The following ALCAM variants were observed in gnomAD, a reference collection of about 807,000 sequenced individuals.
The protein encoded by ALCAM is CD166 antigen.
In ALCAM, 30 loss-of-function variants were observed where a neutral mutation model predicts 70.9. The observed-to-expected ratio is 0.42, with a 90% CI of 0.32 to 0.57. The LOEUF (loss-of-function observed/expected upper bound fraction) is 0.57. ALCAM is among the 20% of genes least tolerant of loss of function. The pLI, the probability that ALCAM is intolerant of heterozygous loss-of-function variation, is 0.11. For synonymous variants in ALCAM, 249 were observed against 242.5 expected, an observed-to-expected ratio of 1.03 and a Z score of -0.25; for missense variants, 591 against 695.1, an observed-to-expected ratio of 0.85 and a Z score of 1.68.
At chr3:105,439,058 G>T (rs1230446820) in intron 1 of ALCAM, among the ~76,000 whole-genome samples, 1 of 152,184 alleles carries the variant, frequency 6.6e-6, no homozygotes, top group Non-Finnish European at 1.5e-5. Context: ...GAGCAAGATG[G>T]CTGGGGGGCC....
intron 1 of ALCAM, among the ~76,000 whole-genome samples, chr3:105,518,177 G>T (rs923545863): frequency 1.2e-4 from 18 of 152,002 alleles, no homozygotes; most frequent in Non-Finnish European, 1.9e-4. Flanking sequence ...TCTGTAAACT[G>T]TTTTCACTCC....
chr3:105,559,246 A>G (rs1416306636), intron 14 of ALCAM, among the ~76,000 whole-genome samples: 1 of 148,034 alleles, frequency 6.8e-6, no homozygotes, highest in Non-Finnish European at 1.5e-5. Context: ...TGTACGTATA[A>G]CATATATATA....
chr3:105,482,562 A>T (rs1201900523), intron 1 of ALCAM, among the ~76,000 whole-genome samples: 1 of 152,178 alleles, frequency 6.6e-6, no homozygotes, highest in East Asian at 1.9e-4. Flanking sequence ...TTATATAAAA[A>T]CCACCAGACA....
intron 1 of ALCAM, among the ~76,000 whole-genome samples, chr3:105,398,936 T>A (rs917335330): frequency 2.0e-5 from 3 of 152,062 alleles, no homozygotes; most frequent in Non-Finnish European, 2.9e-5. Context: ...GATTTTTTTT[T>A]ACTACATTCA....
chr3:105,412,583 G>A (rs938173881), intron 1 of ALCAM, among the ~76,000 whole-genome samples: 1 of 152,014 alleles, frequency 6.6e-6, no homozygotes, highest in Non-Finnish European at 1.5e-5. Context: ...ATTCAGAATC[G>A]GAATGTTGAA....
intron 14 of ALCAM, among the ~76,000 whole-genome samples, chr3:105,561,184 A>G (rs764564155): frequency 2.0e-5 from 3 of 152,118 alleles, no homozygotes; most frequent in African/African-American, 4.8e-5. Context: ...AATGTTTCCA[A>G]TTGTTCCTAG....
chr3:105,397,585 G>A (rs752109657), intron 1 of ALCAM, among the ~76,000 whole-genome samples: 21 of 151,788 alleles, frequency 1.4e-4, no homozygotes, highest in Non-Finnish European at 2.2e-4. Context: ...CATTTTTCAT[G>A]ATCAAGCTTT....
Position 105,552,027 on chromosome 3 carries a change from G to A in ALCAM, c.1508-117G>A, listed in dbSNP as rs1940422464. 5 of 597,602 alleles carry A rather than the reference G, an allele frequency of 8.4e-6. 1 individual carries two copies. The East Asian group carries it at 1.6e-4, about 19-fold the overall frequency. 37.0% of individuals were successfully genotyped at this position (597,602 alleles called of 1,614,324 possible). A position where few individuals can be genotyped will look rare whatever the true frequency, so the allele number is the denominator to read the frequency against. ...TGTGATTTTTTTTTTTTTACTGTTA[G>A]CTATAGAATAGACATTTTATCTTTG... On this transcript the variant is annotated intron_variant, in intron 12 of 15. Coordinates refer to ENST00000306107, the MANE Select transcript of ALCAM (RefSeq NM_001627.4).
intron 1 of ALCAM, among the ~76,000 whole-genome samples, chr3:105,505,517 T>G (rs1939048754): frequency 6.6e-6 from 1 of 152,200 alleles, no homozygotes. Context: ...ATGAGATTTG[T>G]GCAGGAACAC....
chr3:105,404,054 A>C (rs994410060), intron 1 of ALCAM, among the ~76,000 whole-genome samples: 1 of 151,780 alleles, frequency 6.6e-6, no homozygotes, highest in Admixed American at 6.6e-5. Flanking sequence ...AAGAATGGAA[A>C]AAAAATGAAC....
At chr3:105,444,752 C>T (rs1937257041) in intron 1 of ALCAM, among the ~76,000 whole-genome samples, 1 of 152,250 alleles carries the variant, frequency 6.6e-6, no homozygotes, top group South Asian at 2.1e-4. Context: ...TATTCATGCT[C>T]TTCATCTCCC....
Position 105,460,567 on chromosome 3 carries a change from G to A in ALCAM, c.74-59500G>A, listed in dbSNP as rs185226716. ...TCAAAGTCAAATGGTTTCCTGGTGG[G>A]ATTCTCTTAATTTCAAGGACAAGAA... is the stretch of plus-strand genomic sequence containing the variant. On this transcript the variant is annotated intron_variant, in intron 1 of 15. Coordinates refer to ENST00000306107, the MANE Select transcript of ALCAM (RefSeq NM_001627.4). Among the ~76,000 whole-genome samples, 260 of 152,074 alleles carry A rather than the reference G, an allele frequency of 1.7e-3. 1 individual carries two copies. Among genetic ancestry groups the A allele is most frequent in the Non-Finnish European group, 3.3e-3 (226 of 67,936 alleles).
chr3:105,527,036 G>T (rs1939722722), intron 3 of ALCAM, among the ~76,000 whole-genome samples: 1 of 152,046 alleles, frequency 6.6e-6, no homozygotes, highest in South Asian at 2.1e-4. Flanking sequence ...AGGTTTGCTT[G>T]TTTAATTTTA....
At chr3:105,434,031 A>G (rs1936996255) in intron 1 of ALCAM, among the ~76,000 whole-genome samples, 1 of 152,176 alleles carries the variant, frequency 6.6e-6, no homozygotes, top group Non-Finnish European at 1.5e-5. Context: ...GGGATATAGG[A>G]AAGGGCTTAA....
At chr3:105,500,282 C>A (rs1938885258) in intron 1 of ALCAM, among the ~76,000 whole-genome samples, 1 of 152,038 alleles carries the variant, frequency 6.6e-6, no homozygotes, top group African/African-American at 2.4e-5. Context: ...CTTCCTTCCT[C>A]TTTTCTCATC....
At position 105,571,707 on chromosome 3, in the gene ALCAM, G is replaced by A. The variant is rs1940864364; in HGVS notation, c.1665-145G>A. 21 of 586,778 alleles carry A rather than the reference G, an allele frequency of 3.6e-5. 2 individuals are homozygous for A. In the South Asian group the frequency reaches 5.1e-4, roughly 14 times the overall value. The allele number at this position is 586,778 out of a possible 1,614,324, so 36.3% of individuals were successfully genotyped here. ...TACAATGTGCTCCATTATCAGTCAA[G>A]GCTCACAGATATGGAAATTTTTGCC... On this transcript the variant is annotated intron_variant, in intron 14 of 15. Coordinates refer to ENST00000306107, the MANE Select transcript of ALCAM (RefSeq NM_001627.4).
intron 1 of ALCAM, among the ~76,000 whole-genome samples, chr3:105,456,743 A>C (rs1295867317): frequency 2.6e-5 from 4 of 151,866 alleles, no homozygotes. Flanking sequence ...ATTTCTCTGC[A>C]TGCTGGAGTA....
intron 7 of ALCAM, among the ~76,000 whole-genome samples, chr3:105,540,338 A>C (rs1040306173): frequency 9.2e-5 from 14 of 152,012 alleles, no homozygotes; most frequent in African/African-American, 3.4e-4. Context: ...CCATAATTGC[A>C]AAAACTTAAA....
chr3:105,566,414 T>C (rs1455909444), intron 14 of ALCAM, among the ~76,000 whole-genome samples: 1 of 152,248 alleles, frequency 6.6e-6, no homozygotes, highest in Non-Finnish European at 1.5e-5. Flanking sequence ...AACTTCCTTA[T>C]ATATGAAACC....
Sources: allele counts gnomAD v4.1 joint callset (sites outside exome capture counted in the v4.1 genomes callset), GRCh38; gene constraint gnomAD v4.1.1; transcripts MANE v1.5; gene names NCBI Gene and HGNC (gene_info 2026-07-23, HGNC 2026-07-21).